VTCN1: variants seen among roughly 807,000 people sequenced by gnomAD.
VTCN1 encodes V-set domain-containing T-cell activation inhibitor 1.
In VTCN1, 26 loss-of-function variants were observed where a neutral mutation model predicts 26.5. The observed-to-expected ratio is 0.98, with a 90% confidence interval of 0.72 to 1.36. The LOEUF (loss-of-function observed/expected upper bound fraction) is 1.36, where lower values mean the gene tolerates loss of function less well. VTCN1 is among the 40% of genes most tolerant of loss of function. The pLI is 0.00. For synonymous variants in VTCN1, 116 were observed against 130.7 expected, an observed-to-expected ratio of 0.89 and a Z score of 0.77; for missense variants, 298 against 337.7, an observed-to-expected ratio of 0.88 and a Z score of 0.92.
chr1:117,151,355 G>A (rs111373022), intron 4 of VTCN1, among the ~76,000 whole-genome samples: 98 of 152,238 alleles, frequency 6.4e-4, no homozygotes, highest in African/African-American at 2.2e-3. Flanking sequence ...GCAGACCTTC[G>A]CAGTGAGAGT....
At chr1:117,170,724 C>G (rs568756373) in intron 1 of VTCN1, among the ~76,000 whole-genome samples, 26 of 152,296 alleles carry the variant, frequency 1.7e-4, no homozygotes, top group Middle Eastern at 6.8e-3. Flanking sequence ...AAAACAAAAA[C>G]ATATTTACTA....
intron 3 of VTCN1, among the ~76,000 whole-genome samples, chr1:117,156,360 G>T (rs1480229385): frequency 6.6e-6 from 1 of 152,202 alleles, no homozygotes; most frequent in Non-Finnish European, 1.5e-5. Context: ...GAAGCAGAGA[G>T]AACCCAGAAC....
intron 1 of VTCN1, among the ~76,000 whole-genome samples, chr1:117,178,250 C>CT (rs71096901): frequency 0.78 from 110,218 of 142,090 alleles, 43,727 homozygotes; most frequent in East Asian, 0.99. Context: ...TTCTTTCTTT[C>CT]TTTTTTTTCT....
At chr1:117,176,164 T>A (rs1647344545) in intron 1 of VTCN1, among the ~76,000 whole-genome samples, 1 of 152,208 alleles carries the variant, frequency 6.6e-6, no homozygotes, top group Non-Finnish European at 1.5e-5. Context: ...TGCCTCATTA[T>A]ATTGTTTCTC....
Position 117,210,919 on chromosome 1 carries a change from G to A in VTCN1, c.-64C>T. On this transcript the variant is annotated 5_prime_UTR_variant, in exon 1 of 6. Coordinates refer to ENST00000369458, the MANE Select transcript of VTCN1 (RefSeq NM_024626.4). Reference sequence around the variant, plus strand: ...AGTGGAGCTGCCGCTGCCTTCCTTGGTGACTCACAACCAGCTCCCGTGTAT... The same window carrying A: ...AGTGGAGCTGCCGCTGCCTTCCTTGATGACTCACAACCAGCTCCCGTGTAT... 1 of 1,573,164 alleles carries A rather than the reference G, an allele frequency of 6.4e-7. No individual in the cohort carries two copies. The highest frequency in any genetic ancestry group is 8.7e-7 in the Non-Finnish European group (1 of 1,143,476).
chr1:117,182,584 C>T lies in VTCN1; in HGVS notation c.33-12413G>A, dbSNP rs150129996. Among the ~76,000 whole-genome samples, 1,117 of 152,290 alleles carry T rather than the reference C, an allele frequency of 7.3e-3. 18 individuals carry two copies. Among genetic ancestry groups the T allele is most frequent in the African/African-American group, 0.025 (1,054 of 41,550 alleles). ...CTGAAACCCAAGGCAGGGAGACACT[C>T]CCTGTCCTAGGGTGGAGGCAACCTT... On this transcript the variant is annotated intron_variant, in intron 1 of 5. Transcript: ENST00000369458.
rs1047932589 is a variant in VTCN1 at position 117,183,221 on chromosome 1, G to A, written c.33-13050C>T. ...CCCTGACTACGCCAGGCTGCTTCTTGCCTCCATGCCTTCGTTCCTATTATT... is the reference window on the plus strand; with the variant it reads ...CCCTGACTACGCCAGGCTGCTTCTTACCTCCATGCCTTCGTTCCTATTATT... On this transcript the variant is annotated intron_variant, in intron 1 of 5. Transcript: ENST00000369458. The surrounding 1 kb of genome is among the most constrained non-coding windows in gnomAD (Gnocchi z 4.1). Among the ~76,000 whole-genome samples the A allele has an allele frequency of 2.6e-5, 4 of 152,238 alleles. No homozygotes were observed. The highest frequency in any genetic ancestry group is 1.3e-4 in the Admixed American group (2 of 15,298).
chr1:117,179,405 A>G (rs1647564730), intron 1 of VTCN1, among the ~76,000 whole-genome samples: 1 of 152,220 alleles, frequency 6.6e-6, no homozygotes, highest in African/African-American at 2.4e-5. Flanking sequence ...TTTGAAGAAG[A>G]CTAAATATAG....
rs1013875641 is a variant in VTCN1, at chr1:117,144,065, T to C, written c.*1206A>G. On this transcript the variant is annotated 3_prime_UTR_variant, in exon 6 of 6. Coordinates refer to ENST00000369458, the MANE Select transcript of VTCN1 (RefSeq NM_024626.4). Reference sequence around the variant, plus strand: ...TGAGAGATGTTATCCTGGTGCCCGATAGAGTTCTGGCTCTCTGTGCTGAGG... The same window carrying C: ...TGAGAGATGTTATCCTGGTGCCCGACAGAGTTCTGGCTCTCTGTGCTGAGG... 2.7e-4 allele frequency: 41 copies of C among 152,242 alleles called. No homozygotes were observed. The highest frequency in any genetic ancestry group is 8.9e-4 in the African/African-American group (37 of 41,460). The allele number at this position is 152,242 out of a possible 1,614,324, so 9.4% of individuals were successfully genotyped here. A position where few individuals can be genotyped will look rare whatever the true frequency, so the allele number is the denominator to read the frequency against.
rs1400784828 is a variant in VTCN1 at position 117,145,360 on chromosome 1, T to G, written c.*46-135A>C. 1 of 152,168 alleles carries G rather than the reference T, an allele frequency of 6.6e-6. No homozygotes were observed. Among genetic ancestry groups the G allele is most frequent in the East Asian group, 1.9e-4 (1 of 5,190 alleles). The allele number at this position is 152,168 out of a possible 1,614,324, so 9.4% of individuals were successfully genotyped here. A position where few individuals can be genotyped will look rare whatever the true frequency, so the allele number is the denominator to read the frequency against. On this transcript the variant is annotated intron_variant, in intron 5 of 5. Transcript: ENST00000369458. This position sits in a 1 kb window ranked among gnomAD's most constrained non-coding sequence, Gnocchi z 4.6. Reference sequence around the variant, plus strand: ...AGGGGCTTATTTTTCAGTATTTTGATGTTGTTCTATTGAGGCCACATGGTC... The same window carrying G: ...AGGGGCTTATTTTTCAGTATTTTGAGGTTGTTCTATTGAGGCCACATGGTC...
At position 117,205,261 on chromosome 1, in the gene VTCN1, A is replaced by G. The variant is rs929165245; in HGVS notation, c.32+5563T>C. On this transcript the variant is annotated intron_variant, in intron 1 of 5. Coordinates refer to ENST00000369458, the MANE Select transcript of VTCN1 (RefSeq NM_024626.4). The stretch of plus-strand genomic sequence containing the variant: ...AACCTTAACCTCACAGGCTCAAGCA[A>G]TTCTCCCACCTCAGTCCCGAGTAGC... Among the ~76,000 whole-genome samples the G allele has an allele frequency of 3.3e-5, 5 of 151,608 alleles. 1 individual carries two copies. The East Asian group carries it at 9.7e-4, about 29-fold the overall frequency.
chr1:117,197,187 T>C (rs992863421), intron 1 of VTCN1, among the ~76,000 whole-genome samples: 3 of 152,214 alleles, frequency 2.0e-5, no homozygotes, highest in African/African-American at 4.8e-5. Flanking sequence ...TAAGTACTTA[T>C]TCGCTAAGCC....
Position 117,145,932 on chromosome 1 carries a change from C to A in VTCN1, c.*46-707G>T, listed in dbSNP as rs1359739808. ...TACAGGTGTGAGCCACCATGCCCAG[C>A]CTTACTCATTTACTTTAAAAAATCT... On this transcript the variant is annotated intron_variant, in intron 5 of 5. Coordinates refer to ENST00000369458, the MANE Select transcript of VTCN1 (RefSeq NM_024626.4). This position sits in a 1 kb window ranked among gnomAD's most constrained non-coding sequence, Gnocchi z 4.6. Among the ~76,000 whole-genome samples the A allele has an allele frequency of 6.6e-6, 1 of 152,156 alleles. No homozygotes were observed. Among genetic ancestry groups the A allele is most frequent in the African/African-American group, 2.4e-5 (1 of 41,426 alleles).
chr1:117,199,901 T>G (rs1318694671), intron 1 of VTCN1, among the ~76,000 whole-genome samples: 2 of 152,180 alleles, frequency 1.3e-5, no homozygotes, highest in African/African-American at 4.8e-5. Flanking sequence ...CCCAAAGTCC[T>G]AGGATTACAG....
At chr1:117,202,567 A>G (rs548685310) in intron 1 of VTCN1, among the ~76,000 whole-genome samples, 1 of 152,382 alleles carries the variant, frequency 6.6e-6, no homozygotes, top group Non-Finnish European at 1.5e-5. Context: ...GACAAAATCC[A>G]TCTAGAGTAA....
chr1:117,172,693 C>T (rs1259765763), intron 1 of VTCN1, among the ~76,000 whole-genome samples: 2 of 152,118 alleles, frequency 1.3e-5, no homozygotes, highest in African/African-American at 4.8e-5. Flanking sequence ...TCAGAGTGTG[C>T]CTTTACTTAC....
At chr1:117,210,692 G>T in intron 1 of VTCN1, 132 bp downstream of exon 1, 1 of 949,570 alleles carries the variant, frequency 1.1e-6, no homozygotes, top group Non-Finnish European at 1.6e-6. Flanking sequence ...CCAGGCTCCC[G>T]CTGGCCCAAT....
At chr1:117,176,494 C>A (rs933266631) in intron 1 of VTCN1, among the ~76,000 whole-genome samples, 1 of 152,166 alleles carries the variant, frequency 6.6e-6, no homozygotes, top group African/African-American at 2.4e-5. Flanking sequence ...ACATAAAATG[C>A]TTTTTGTTTT....
At chr1:117,150,678 G>A (rs533037498) in intron 4 of VTCN1, among the ~76,000 whole-genome samples, 6 of 152,282 alleles carry the variant, frequency 3.9e-5, no homozygotes, top group African/African-American at 1.4e-4. Context: ...CAGTTCAGTA[G>A]TGTTAAGTAT....
Sources: gnomAD v4.1 joint callset for allele counts (sites outside exome capture counted in the v4.1 genomes callset) on GRCh38, gnomAD v4.1.1 for gene constraint, Gnocchi (gnomAD v3.1) non-coding constraint, MANE v1.5 for transcripts, NCBI Gene and HGNC (gene_info 2026-07-23, HGNC 2026-07-21) for gene names.